FGGY: variants seen among roughly 807,000 people sequenced by gnomAD.
FGGY encodes the protein FGGY carbohydrate kinase domain containing.
In FGGY, 72 loss-of-function variants were observed where a neutral mutation model predicts 71.3. The observed-to-expected ratio is 1.01, with a 90% CI of 0.84 to 1.23. The LOEUF is 1.23. Ranked by LOEUF, FGGY falls within the 50% of genes most tolerant of loss-of-function variation. FGGY has a pLI of 0.00. For synonymous variants in FGGY, 251 were observed against 250.3 expected (o/e 1.00, Z -0.02); for missense variants, 668 against 682.3 (o/e 0.98, Z 0.23).
At chr1:59,370,435 G>A (rs1229195535) in intron 4 of FGGY, among the ~76,000 whole-genome samples, 2 of 152,238 alleles carry the variant, frequency 1.3e-5, no homozygotes, top group East Asian at 3.8e-4. Context: ...TCTGATTGGT[G>A]TACCTGAAAG....
At chr1:59,516,178 G>A (rs1388864802) in intron 7 of FGGY, among the ~76,000 whole-genome samples, 5 of 152,168 alleles carry the variant, frequency 3.3e-5, no homozygotes, top group African/African-American at 4.8e-5. Flanking sequence ...GGAGGCCTGG[G>A]TGCAAATGTT....
At chr1:59,396,663 C>T (rs1294299087) in intron 5 of FGGY, among the ~76,000 whole-genome samples, 1 of 152,174 alleles carries the variant, frequency 6.6e-6, no homozygotes, top group African/African-American at 2.4e-5. Context: ...GGACTTCAAA[C>T]TGGACTTGGA....
intron 2 of FGGY, among the ~76,000 whole-genome samples, chr1:59,324,818 TG>T (rs1352173608): frequency 6.6e-6 from 1 of 152,196 alleles, no homozygotes; most frequent in Non-Finnish European, 1.5e-5. Flanking sequence ...TTTCTACACA[TG>T]GGGCATCATG....
Position 59,406,396 on chromosome 1 carries a change from A to G in FGGY, c.554+27559A>G, listed in dbSNP as rs536098115. Among the ~76,000 whole-genome samples, 4 of 152,054 alleles carry G rather than the reference A, an allele frequency of 2.6e-5. No individual in the cohort carries two copies. In the South Asian group the frequency reaches 8.3e-4, roughly 32 times the overall value. Reference sequence around the variant, plus strand: ...TTTTGTGCTTTTTGTTGGCGATTTCACCATTTAAAATGCACCCCAAGCATT... The same window carrying G: ...TTTTGTGCTTTTTGTTGGCGATTTCGCCATTTAAAATGCACCCCAAGCATT... On this transcript the variant is annotated intron_variant, in intron 5 of 15. Transcript: ENST00000303721.
intron 6 of FGGY, among the ~76,000 whole-genome samples, chr1:59,469,596 T>A (rs192544865): frequency 3.7e-4 from 55 of 149,552 alleles, no homozygotes; most frequent in East Asian, 2.9e-3. Context: ...TTATTCATAT[T>A]TTTTTTTAAC....
chr1:59,745,658 G>A (rs2098190236), intron 14 of FGGY, among the ~76,000 whole-genome samples: 1 of 152,176 alleles, frequency 6.6e-6, no homozygotes, highest in African/African-American at 2.4e-5. Flanking sequence ...GCATATCCTG[G>A]CTAAATGTTT....
intron 1 of FGGY, among the ~76,000 whole-genome samples, chr1:59,317,281 C>T (rs915301646): frequency 1.3e-5 from 2 of 152,146 alleles, no homozygotes; most frequent in Non-Finnish European, 2.9e-5. Flanking sequence ...CCTAAACTTG[C>T]CGCAAGAGAC....
intron 7 of FGGY, among the ~76,000 whole-genome samples, chr1:59,533,811 C>G (rs1050804645): frequency 5.3e-5 from 8 of 152,284 alleles, no homozygotes; most frequent in African/African-American, 1.9e-4. Flanking sequence ...AAAGGACATC[C>G]ACACCAAAAT....
At chr1:59,467,265 A>G (rs747668120) in intron 6 of FGGY, among the ~76,000 whole-genome samples, 1 of 151,012 alleles carries the variant, frequency 6.6e-6, no homozygotes. Context: ...AAAACCAAAC[A>G]CGGCATGTTC....
chr1:59,640,348 T>C (rs960510107), intron 11 of FGGY, among the ~76,000 whole-genome samples: 1 of 152,194 alleles, frequency 6.6e-6, no homozygotes, highest in Non-Finnish European at 1.5e-5. Flanking sequence ...ACCCTGAAAT[T>C]CTTCTGTTAT....
intron 11 of FGGY, among the ~76,000 whole-genome samples, chr1:59,640,907 C>G (rs896202006): frequency 6.6e-6 from 1 of 150,958 alleles, no homozygotes; most frequent in Non-Finnish European, 1.5e-5. Context: ...TAGCTAGACA[C>G]AATCCCAGCC....
chr1:59,590,610 C>G (rs2096412162), intron 8 of FGGY, among the ~76,000 whole-genome samples: 2 of 152,136 alleles, frequency 1.3e-5, no homozygotes, highest in Admixed American at 1.3e-4. Flanking sequence ...GGGCTTCATC[C>G]CTGGGATGTA....
intron 6 of FGGY, among the ~76,000 whole-genome samples, chr1:59,487,013 C>G (rs1264758063): frequency 6.6e-6 from 1 of 152,180 alleles, no homozygotes; most frequent in Non-Finnish European, 1.5e-5. Flanking sequence ...AGGTTATACA[C>G]TCCAAGGAGT....
intron 2 of FGGY, among the ~76,000 whole-genome samples, chr1:59,326,693 T>C (rs1334539855): frequency 1.3e-5 from 2 of 152,294 alleles, no homozygotes; most frequent in Non-Finnish European, 2.9e-5. Flanking sequence ...GATATTCATT[T>C]TTCTTTTCTC....
intron 14 of FGGY, among the ~76,000 whole-genome samples, chr1:59,721,331 TC>T (rs1417407235): frequency 1.7e-5 from 2 of 119,610 alleles, no homozygotes; most frequent in African/African-American, 6.0e-5. Context: ...TTCTTTTCTT[TC>T]CTTTGTTTTT....
intron 6 of FGGY, among the ~76,000 whole-genome samples, chr1:59,457,623 GAA>G (rs140812925): frequency 6.7e-6 from 1 of 150,102 alleles, no homozygotes. Flanking sequence ...TTTTGAGGGG[GAA>G]AAAAAAATGG....
chr1:59,696,477 G>A (rs764210834), intron 14 of FGGY, among the ~76,000 whole-genome samples: 3 of 152,198 alleles, frequency 2.0e-5, no homozygotes, highest in Non-Finnish European at 4.4e-5. Flanking sequence ...GAAATAGTAC[G>A]ATAATATGTA....
At chr1:59,749,985 GAA>G (rs2098231810) in intron 14 of FGGY, among the ~76,000 whole-genome samples, 1 of 152,160 alleles carries the variant, frequency 6.6e-6, no homozygotes, top group Non-Finnish European at 1.5e-5. Context: ...GCTATAAGGG[GAA>G]CCAAAGTGGA....
At chr1:59,530,282 T>C (rs2095105741) in intron 7 of FGGY, among the ~76,000 whole-genome samples, 1 of 152,226 alleles carries the variant, frequency 6.6e-6, no homozygotes, top group African/African-American at 2.4e-5. Flanking sequence ...CTTAGAATTA[T>C]AGATAAAATA....
Sources: gnomAD v4.1 joint callset for allele counts (sites outside exome capture counted in the v4.1 genomes callset) on GRCh38, gnomAD v4.1.1 for gene constraint, MANE v1.5 for transcripts, NCBI Gene and HGNC (gene_info 2026-07-23, HGNC 2026-07-21) for gene names.